CTNNA3: variants seen among roughly 807,000 people sequenced by gnomAD.
CTNNA3 encodes the protein catenin alpha-3.
CTNNA3 carries 76 observed loss-of-function variants against 95.7 expected under a neutral mutation model. That is an observed-to-expected ratio of 0.79 (90% CI 0.66 to 0.96). The LOEUF (loss-of-function observed/expected upper bound fraction) is 0.96. Among genes scored for constraint, CTNNA3 ranks in the 40% least tolerant of loss-of-function variants. The pLI is 0.00. For synonymous variants in CTNNA3, 431 were observed against 374.4 expected, an observed-to-expected ratio of 1.15 and a Z score of -1.74; for missense variants, 1,191 against 1,089.8, an observed-to-expected ratio of 1.09 and a Z score of -1.31.
chr10:67,225,274 G>T (rs117426031), intron 5 of CTNNA3, among the ~76,000 whole-genome samples: 1 of 152,138 alleles, frequency 6.6e-6, no homozygotes, highest in African/African-American at 2.4e-5. Context: ...CTATTTGATG[G>T]TCCTTCCCTA....
chr10:67,557,703 A>G (rs555010710), intron 3 of CTNNA3, among the ~76,000 whole-genome samples: 1 of 152,242 alleles, frequency 6.6e-6, no homozygotes, highest in Non-Finnish European at 1.5e-5. Flanking sequence ...GAATTTGTTC[A>G]GGGTTATTGG....
At chr10:67,692,736 TAAAAAA>T (rs200961420) in intron 1 of CTNNA3, among the ~76,000 whole-genome samples, 10 of 80,836 alleles carry the variant, frequency 1.2e-4, no homozygotes, top group African/African-American at 3.7e-4. Flanking sequence ...GAATGATCAA[TAAAAAA>T]AAAAAAAAAA....
chr10:67,051,530 G>A (rs1487097284), intron 7 of CTNNA3, among the ~76,000 whole-genome samples: 2 of 151,016 alleles, frequency 1.3e-5, no homozygotes, highest in African/African-American at 4.9e-5. Flanking sequence ...TGCAATCTCG[G>A]CTCACTGCAA....
intron 8 of CTNNA3, among the ~76,000 whole-genome samples, chr10:66,774,838 T>C (rs1225182118): frequency 6.6e-6 from 1 of 152,232 alleles, no homozygotes; most frequent in Non-Finnish European, 1.5e-5. Context: ...GGCATCATAC[T>C]AGACTTATAA....
intron 13 of CTNNA3, among the ~76,000 whole-genome samples, chr10:66,218,917 A>G (rs973799529): frequency 2.6e-5 from 4 of 152,082 alleles, no homozygotes; most frequent in Admixed American, 1.3e-4. Context: ...AAACTTCCAA[A>G]TTTTTCCTGA....
At chr10:67,155,610 G>T (rs183039468) in intron 7 of CTNNA3, among the ~76,000 whole-genome samples, 1 of 151,804 alleles carries the variant, frequency 6.6e-6, no homozygotes, top group Non-Finnish European at 1.5e-5. Flanking sequence ...GGGATATGTT[G>T]TTTATTCATT....
intron 1 of CTNNA3, among the ~76,000 whole-genome samples, chr10:67,749,175 A>G (rs892085811): frequency 3.3e-5 from 5 of 152,134 alleles, no homozygotes; most frequent in African/African-American, 1.2e-4. Flanking sequence ...GTTCCTAGAG[A>G]CCTACAAAGA....
At chr10:66,483,314 T>A (rs1839607341) in intron 11 of CTNNA3, among the ~76,000 whole-genome samples, 2 of 152,096 alleles carry the variant, frequency 1.3e-5, no homozygotes, top group Admixed American at 1.3e-4. Flanking sequence ...CTGATTTTGA[T>A]AAAGTAATTA....
intron 14 of CTNNA3, among the ~76,000 whole-genome samples, chr10:66,102,603 G>T (rs1181918636): frequency 6.6e-6 from 1 of 152,162 alleles, no homozygotes; most frequent in Non-Finnish European, 1.5e-5. Flanking sequence ...AACTTTCACA[G>T]ATACCCAGGC....
chr10:67,097,456 G>C (rs1235627746), intron 7 of CTNNA3: 6 of 709,788 alleles, frequency 8.5e-6, no homozygotes, highest in Admixed American at 2.3e-5. Context: ...GGATAATATA[G>C]GGACACCTGG....
chr10:67,605,113 A>T (rs1843219074), intron 3 of CTNNA3, among the ~76,000 whole-genome samples: 1 of 152,160 alleles, frequency 6.6e-6, no homozygotes, highest in South Asian at 2.1e-4. Flanking sequence ...CATTATTCAC[A>T]ATAGTCAAGA....
intron 14 of CTNNA3, among the ~76,000 whole-genome samples, chr10:66,072,621 A>G (rs971402215): frequency 1.3e-5 from 2 of 151,456 alleles, no homozygotes; most frequent in Non-Finnish European, 1.5e-5. Flanking sequence ...ATTTTTGTAT[A>G]TTTAGTAGAG....
intron 13 of CTNNA3, among the ~76,000 whole-genome samples, chr10:66,167,051 G>A (rs1400009638): frequency 1.3e-5 from 2 of 152,218 alleles, no homozygotes; most frequent in South Asian, 2.1e-4. Context: ...AATTTCATTT[G>A]CTTCTAAAAA....
intron 5 of CTNNA3, among the ~76,000 whole-genome samples, chr10:67,265,031 A>G (rs917462406): frequency 6.6e-6 from 1 of 152,186 alleles, no homozygotes; most frequent in African/African-American, 2.4e-5. Flanking sequence ...AAAAACATCA[A>G]AATATGCAAC....
chr10:66,361,355 T>G (rs1370818782), intron 12 of CTNNA3, among the ~76,000 whole-genome samples: 3 of 113,574 alleles, frequency 2.6e-5, no homozygotes, highest in African/African-American at 5.7e-5. Context: ...TCCTTCTTTC[T>G]TTCTTTCCTT....
intron 9 of CTNNA3, among the ~76,000 whole-genome samples, chr10:66,671,261 C>T (rs1183099959): frequency 1.3e-5 from 2 of 152,006 alleles, no homozygotes; most frequent in Non-Finnish European, 2.9e-5. Flanking sequence ...AAATATGACG[C>T]AATAACAATA....
intron 12 of CTNNA3, among the ~76,000 whole-genome samples, chr10:66,373,319 A>G (rs2092768084): frequency 1.3e-5 from 2 of 152,110 alleles, no homozygotes; most frequent in South Asian, 2.1e-4. Flanking sequence ...TCTTAACTAG[A>G]TCTGGGTCCT....
intron 15 of CTNNA3, among the ~76,000 whole-genome samples, chr10:66,014,197 C>A (rs936120846): frequency 6.6e-6 from 1 of 152,084 alleles, no homozygotes; most frequent in Non-Finnish European, 1.5e-5. Context: ...ACAAAGAATG[C>A]CCTACAGAAA....
chr10:67,546,230 C>T (rs1840840501), intron 3 of CTNNA3, among the ~76,000 whole-genome samples: 3 of 152,184 alleles, frequency 2.0e-5, no homozygotes, highest in East Asian at 3.9e-4. Context: ...CTCCTGGGAT[C>T]AAGCAATCCT....
Sources: allele counts gnomAD v4.1 joint callset (sites outside exome capture counted in the v4.1 genomes callset), GRCh38; gene constraint gnomAD v4.1.1; transcripts MANE v1.5; gene names NCBI Gene and HGNC (gene_info 2026-07-23, HGNC 2026-07-21).